Variants in ALOXE3 observed in about 807,000 individuals in gnomAD.
ALOXE3 encodes arachidonate epidermal lipoxygenase 3, also known as hydroperoxide isomerase ALOXE3.
ALOXE3 carries 78 observed loss-of-function variants against 87.5 expected under a neutral mutation model. The ratio of observed to expected loss-of-function variants is 0.89; its 90% CI spans 0.74 to 1.08. The LOEUF is 1.08. Among genes scored for constraint, ALOXE3 ranks in the 50% least tolerant of loss-of-function variants. ALOXE3 has a pLI of 0.00. For missense variants in ALOXE3, 946 were observed against 912.4 expected (o/e 1.04, Z -0.47); for synonymous variants, 363 against 370.8 (o/e 0.98, Z 0.24).
chr17:8,099,022 C>CTTTT (rs751705010), intron 15 of ALOXE3, among the ~76,000 whole-genome samples: 5 of 126,714 alleles, frequency 3.9e-5, no homozygotes, highest in Middle Eastern at 4.0e-3. Context: ...GGCTAGTTTT[C>CTTTT]TTTTTTTTTT....
intron 15 of ALOXE3, among the ~76,000 whole-genome samples, 196 bp downstream of exon 15, chr17:8,103,127 T>C (rs543430621): frequency 1.2e-4 from 19 of 152,278 alleles, no homozygotes; most frequent in African/African-American, 4.6e-4. Context: ...GACGGACAGA[T>C]TGGTAACTAA....
Position 8,116,869 on chromosome 17 carries a change from T to C in ALOXE3, c.259A>G (p.Ile87Val), listed in dbSNP as rs571414497. The C allele has an allele frequency of 8.7e-6, 14 of 1,614,230 alleles. No individual in the cohort carries two copies. The highest frequency in any genetic ancestry group is 1.6e-4 in the Middle Eastern group (1 of 6,062). The change falls in exon 3 of 16, where the codon ATC becomes GTC. Residue 87 changes from isoleucine (I) to valine (V), a missense_variant. Coordinates refer to ENST00000448843, the MANE Select transcript of ALOXE3 (RefSeq NM_021628.3). ...FRKDSWYCSRICVTEPDGSVS... is the reference protein window; with the variant it reads ...FRKDSWYCSRVCVTEPDGSVS... ...CTACCATCCGGTTCGGTGACACAGA[T>C]GCGGCTACAGTACCAAGAGTCCTTG...
rs1194081207 is a variant in ALOXE3 at position 8,112,158 on chromosome 17, T to C, written c.719A>G (p.Lys240Arg). The change falls in exon 7 of 16, where the codon AAG (lysine) becomes AGG (arginine). Residue 240 changes from lysine to arginine, a missense_variant. Lys to Arg is a conservative substitution (Grantham distance 26, BLOSUM62 2). Coordinates refer to ENST00000448843, the MANE Select transcript of ALOXE3 (RefSeq NM_021628.3). ...GTCATCCAGCTTCTTCCAGGAGCCC[T>C]TGCGATCCAACAGCCCTCGAAGCTT... ...GMKLRGLLDRKGSWKKLDDMQ... is the reference protein window; with the variant it reads ...GMKLRGLLDRRGSWKKLDDMQ... 1 of 1,614,026 alleles carries C rather than the reference T, an allele frequency of 6.2e-7. No individual in the cohort carries two copies. Among genetic ancestry groups the C allele is most frequent in the African/African-American group, 1.3e-5 (1 of 74,914 alleles).
At position 8,108,547 on chromosome 17, in the gene ALOXE3, T is replaced by C. The variant is rs1466107794; in HGVS notation, c.1605A>G (p.Ala535=). ...EIVGYYYPSD[A]SVQQDSELQA... is the part of the protein sequence containing the mutation. ...GCAGCTCCGAATCCTGCTGCACAGATGCGTCACTGGGATAATAGTAGCCCA... is the reference window on the plus strand; with the variant it reads ...GCAGCTCCGAATCCTGCTGCACAGACGCGTCACTGGGATAATAGTAGCCCA... Residue 535 remains alanine, a synonymous_variant, in exon 13 of 16, where the codon GCA becomes GCG. Coordinates refer to ENST00000448843, the MANE Select transcript of ALOXE3 (RefSeq NM_021628.3). 2 of 1,613,292 alleles carry C rather than the reference T, an allele frequency of 1.2e-6. No homozygotes were observed. The highest frequency in any genetic ancestry group is 1.7e-5 in the Admixed American group (1 of 60,002).
chr17:8,110,290 G>A lies in ALOXE3; in HGVS notation c.1107C>T (p.Ser369=), dbSNP rs201706020. The A allele has an allele frequency of 7.0e-5, 113 of 1,613,918 alleles. 1 individual carries two copies. In the Middle Eastern group the frequency reaches 3.0e-3, roughly 42 times the overall value. The change falls in exon 10 of 16, where the codon AGC becomes AGT. Residue 369 remains serine, a synonymous_variant. Coordinates refer to ENST00000448843, the MANE Select transcript of ALOXE3 (RefSeq NM_021628.3). ...TGGGGCTGTCAGGCCCGGGGGTCTGGCTGAGCTGCGTCCGAAAGGAACGAG... is the reference window on the plus strand; with the variant it reads ...TGGGGCTGTCAGGCCCGGGGGTCTGACTGAGCTGCGTCCGAAAGGAACGAG... The part of the protein sequence containing the change: ...GALVPLAIQL[S]QTPGPDSPIF...
At chr17:8,115,225 C>G (rs1980482610) in intron 4 of ALOXE3, among the ~76,000 whole-genome samples, 168 bp from the exon 5 acceptor site, 1 of 152,192 alleles carries the variant, frequency 6.6e-6, no homozygotes, top group Non-Finnish European at 1.5e-5. Flanking sequence ...CATAGGGTAG[C>G]ATTTAAGGAT....
At position 8,109,289 on chromosome 17, in the gene ALOXE3, G is replaced by A; in HGVS notation, c.1447C>T (p.His483Tyr). The change falls in exon 12 of 16, where the codon CAC (histidine) becomes TAC (tyrosine). Residue 483 changes from histidine (H) to tyrosine (Y), a missense_variant. His to Tyr is a moderately conservative substitution (Grantham distance 83). Coordinates refer to ENST00000448843, the MANE Select transcript of ALOXE3 (RefSeq NM_021628.3). ...AGGCAGAAATTGGTGTAGGTGAAGT[G>A]GGCCAGGCCCGTGCTCATGAGGTAG... is the stretch of plus-strand genomic sequence containing the variant. ...LIYLMSTGLA[H>Y]FTYTNFCLPD... 6.2e-7 allele frequency: 1 copy of A among 1,614,108 alleles called. No individual in the cohort carries two copies. The highest frequency in any genetic ancestry group is 8.5e-7 in the Non-Finnish European group (1 of 1,180,036).
At chr17:8,096,845 G>A (rs1978574805) in intron 15 of ALOXE3, 39 bp from the exon 16 acceptor site, 2 of 1,604,124 alleles carry the variant, frequency 1.2e-6, no homozygotes, top group African/African-American at 2.7e-5. Flanking sequence ...ATGACATTCA[G>A]ATGGGATGGG....
In ALOXE3 at chr17:8,115,698, A is replaced by G; in HGVS notation, c.353-10T>C. 6.2e-7 allele frequency: 1 copy of G among 1,609,312 alleles called. No homozygotes were observed. Among genetic ancestry groups the G allele is most frequent in the Non-Finnish European group, 8.5e-7 (1 of 1,175,586 alleles). ...TGACAAATAGTTCTTGCTGTGGGGA[A>G]TGAAAATTACTCTTGGTATAAGTCT... On this transcript the variant is annotated splice_polypyrimidine_tract_variant and intron_variant, in intron 3 of 15. Transcript: ENST00000448843.
chr17:8,096,618 T>C lies in ALOXE3; in HGVS notation c.*9A>G. ...CCTTTCTTTCTTCTTGGGTGGTATT[T>C]GGGGGTGGTTAGATGGAGACGCTGT... is the stretch of plus-strand genomic sequence containing the variant. On this transcript the variant is annotated 3_prime_UTR_variant, in exon 16 of 16. Coordinates refer to ENST00000448843, the MANE Select transcript of ALOXE3 (RefSeq NM_021628.3). 4.2e-6 allele frequency: 5 copies of C among 1,196,964 alleles called. No individual in the cohort carries two copies. The highest frequency in any genetic ancestry group is 6.3e-6 in the Non-Finnish European group (5 of 799,472). 74.1% of individuals were successfully genotyped at this position (1,196,964 alleles called of 1,614,324 possible).
intron 13 of ALOXE3, among the ~76,000 whole-genome samples, chr17:8,105,237 T>C (rs1979208032): frequency 6.6e-6 from 1 of 152,208 alleles, no homozygotes; most frequent in Non-Finnish European, 1.5e-5. Flanking sequence ...TGTGCAGGCC[T>C]TCCTGATAGT....
Position 8,114,969 on chromosome 17 carries a change from T to C in ALOXE3, c.523A>G (p.Lys175Glu), listed in dbSNP as rs1441832915. Residue 175 changes from lysine (K) to glutamate (E), a missense_variant, in exon 5 of 16, where the codon AAG (lysine) becomes GAG (glutamate). Physicochemically the swap from Lys to Glu is moderately conservative, Grantham distance 56 (BLOSUM62 1). Transcript: ENST00000448843. Reference sequence around the variant, plus strand: ...CCCTGGTCTACACAAGTTGTCGTCTTTGTCAAGGCAAATTTCTTGTCTGAC... The same window carrying C: ...CCCTGGTCTACACAAGTTGTCGTCTCTGTCAAGGCAAATTTCTTGTCTGAC... ...MESDKKFALT[K>E]TTTCVDQGDS... 1 of 1,614,056 alleles carries C rather than the reference T, an allele frequency of 6.2e-7. No homozygotes were observed. Among genetic ancestry groups the C allele is most frequent in the Non-Finnish European group, 8.5e-7 (1 of 1,180,042 alleles).
rs1978534282 is a variant in ALOXE3 at position 8,096,257 on chromosome 17, A to G, written c.*370T>C. The stretch of plus-strand genomic sequence containing the variant: ...GAACGTAGAAAGGCATGGTAGGAGA[A>G]GGAGTTTGGGGATTGGGGAGGATGA... On this transcript the variant is annotated 3_prime_UTR_variant, in exon 16 of 16. Coordinates refer to ENST00000448843, the MANE Select transcript of ALOXE3 (RefSeq NM_021628.3). 1 of 229,918 alleles carries G rather than the reference A, an allele frequency of 4.3e-6. No individual in the cohort carries two copies. Among genetic ancestry groups the G allele is most frequent in the Non-Finnish European group, 8.7e-6 (1 of 115,228 alleles). 14.2% of individuals were successfully genotyped at this position (229,918 alleles called of 1,614,324 possible). A position where few individuals can be genotyped will look rare whatever the true frequency, so the allele number is the denominator to read the frequency against.
In ALOXE3 at chr17:8,111,423, G is replaced by A. The variant is rs776264513; in HGVS notation, c.893C>T (p.Pro298Leu). 2 of 1,614,136 alleles carry A rather than the reference G, an allele frequency of 1.2e-6. No individual in the cohort carries two copies. The highest frequency in any genetic ancestry group is 2.2e-5 in the East Asian group (1 of 44,886). ...GGGGGCCACCATGTCATTGGTGACA[G>A]GCAGCTTGCTGGGCAAGCTAGAGAT... ...HCISSLPSKL[P>L]VTNDMVAPLL... The change falls in exon 8 of 16, where the codon CCT becomes CTT. Residue 298 changes from proline to leucine, a missense_variant. By Grantham distance (98) the Pro-to-Leu change is moderately conservative. Transcript: ENST00000448843.
rs768880849 is a variant in ALOXE3 at position 8,104,215 on chromosome 17, C to T, written c.1685G>A (p.Gly562Asp). The change falls in exon 14 of 16, where the codon GGT (glycine) becomes GAT (aspartate). Residue 562 changes from glycine to aspartate, a missense_variant and splice_region_variant. Coordinates refer to ENST00000448843, the MANE Select transcript of ALOXE3 (RefSeq NM_021628.3). ...TGGGGTGCACAGCCGGCTTGGGAAACCTGGGTGTGGGGAGGAAGGGTAGAG... is the reference window on the plus strand; with the variant it reads ...TGGGGTGCACAGCCGGCTTGGGAAATCTGGGTGTGGGGAGGAAGGGTAGAG... ...AQAFLGRESS[G>D]FPSRLCTPGE... is the part of the protein sequence containing the mutation. 3.0e-5 allele frequency: 49 copies of T among 1,613,046 alleles called. No homozygotes were observed. Among genetic ancestry groups the T allele is most frequent in the Non-Finnish European group, 3.9e-5 (46 of 1,179,418 alleles).
intron 15 of ALOXE3, among the ~76,000 whole-genome samples, chr17:8,102,088 A>G (rs1409473016): frequency 6.6e-6 from 1 of 152,194 alleles, no homozygotes; most frequent in Non-Finnish European, 1.5e-5. Context: ...CTAAACTCAG[A>G]TATTGGCCCC....
At chr17:8,099,715 C>G (rs535126497) in intron 15 of ALOXE3, among the ~76,000 whole-genome samples, 1 of 151,694 alleles carries the variant, frequency 6.6e-6, no homozygotes, top group African/African-American at 2.4e-5. Context: ...TACGCCTTTC[C>G]CATTCCTAAT....
intron 15 of ALOXE3, among the ~76,000 whole-genome samples, chr17:8,100,818 CA>C (rs1242496415): frequency 6.6e-6 from 1 of 151,504 alleles, no homozygotes; most frequent in Non-Finnish European, 1.5e-5. Context: ...GTATAGCCAT[CA>C]AAAAAACAGA....
chr17:8,115,835 A>G, intron 3 of ALOXE3, 147 bp from the exon 4 acceptor site: 2 of 749,324 alleles, frequency 2.7e-6, no homozygotes, highest in South Asian at 3.1e-5. Flanking sequence ...TTCTTTGTGT[A>G]TTCATCAGTA....
Sources: gnomAD v4.1 joint callset for allele counts (sites outside exome capture counted in the v4.1 genomes callset) on GRCh38, gnomAD v4.1.1 for gene constraint, MANE v1.5 for transcripts, NCBI Gene and HGNC (gene_info 2026-07-23, HGNC 2026-07-21) for gene names.